The following RBFOX1 variants were observed in gnomAD, a reference collection of about 807,000 sequenced individuals.
RBFOX1 encodes RNA binding fox-1 homolog 1.
A neutral mutation model predicts 57.7 loss-of-function variants in RBFOX1; 8 were observed. The ratio of observed to expected loss-of-function variants is 0.14; its 90% CI spans 0.08 to 0.25. RBFOX1 has a LOEUF of 0.25. Ranked by LOEUF, RBFOX1 falls within the 10% of genes least tolerant of loss-of-function variation. RBFOX1 has a pLI of 1.00. For synonymous variants in RBFOX1, 326 were observed against 222.4 expected, an observed-to-expected ratio of 1.47 and a Z score of -4.15; for missense variants, 611 against 548.5, an observed-to-expected ratio of 1.11 and a Z score of -1.14.
intron 4 of RBFOX1, among the ~76,000 whole-genome samples, chr16:5,881,580 T>A (rs1281930397): frequency 6.6e-6 from 1 of 152,100 alleles, no homozygotes; most frequent in East Asian, 1.9e-4. Context: ...CTTGGGAGGC[T>A]GAGGTGGGAG....
chr16:5,514,396 T>A (rs938808897), intron 2 of RBFOX1, among the ~76,000 whole-genome samples: 2 of 151,920 alleles, frequency 1.3e-5, no homozygotes, highest in African/African-American at 4.8e-5. Context: ...AGTTTGGAGG[T>A]CTTGGCTCAG....
intron 4 of RBFOX1, among the ~76,000 whole-genome samples, chr16:7,415,612 A>G (rs534894260): frequency 5.9e-5 from 9 of 152,270 alleles, no homozygotes; most frequent in Admixed American, 5.9e-4. Context: ...TAATATTATT[A>G]AGAACACAGT....
At chr16:6,387,974 ATTTTTTT>A (rs61603572) in intron 2 of RBFOX1, among the ~76,000 whole-genome samples, 8 of 84,148 alleles carry the variant, frequency 9.5e-5, no homozygotes, top group Admixed American at 1.6e-4. Flanking sequence ...TTTGTGGAAC[ATTTTTTT>A]TTTTTTTTTT....
chr16:7,687,756 A>G (rs1459811292), intron 14 of RBFOX1, among the ~76,000 whole-genome samples: 1 of 152,064 alleles, frequency 6.6e-6, no homozygotes, highest in Non-Finnish European at 1.5e-5. Flanking sequence ...TTAAAATATT[A>G]AGTATAAAAT....
chr16:6,588,059 T>G (rs2097655248), intron 2 of RBFOX1, among the ~76,000 whole-genome samples: 1 of 150,516 alleles, frequency 6.6e-6, no homozygotes, highest in African/African-American at 2.4e-5. Context: ...GTGAAACCGC[T>G]GTCTCTACTA....
intron 3 of RBFOX1, among the ~76,000 whole-genome samples, chr16:6,730,221 A>G (rs1258504665): frequency 3.3e-5 from 5 of 152,130 alleles, no homozygotes; most frequent in Non-Finnish European, 7.4e-5. Flanking sequence ...AGCCTGAGCA[A>G]ATATATATGG....
chr16:6,379,033 G>C (rs1025469835), intron 2 of RBFOX1, among the ~76,000 whole-genome samples: 5 of 152,178 alleles, frequency 3.3e-5, no homozygotes, highest in Admixed American at 2.6e-4. Context: ...AGGAGAATCG[G>C]TGTTGGGATT....
chr16:5,815,550 C>G (rs550712028), intron 3 of RBFOX1, among the ~76,000 whole-genome samples: 38 of 152,158 alleles, frequency 2.5e-4, no homozygotes, highest in Non-Finnish European at 4.1e-4. Flanking sequence ...CTCAGAAAGT[C>G]CATCTCCTTC....
chr16:5,377,225 A>G (rs965670169), intron 1 of RBFOX1, among the ~76,000 whole-genome samples: 1 of 151,530 alleles, frequency 6.6e-6, no homozygotes, highest in Non-Finnish European at 1.5e-5. Context: ...TCCCCCACGC[A>G]CAGCAAGTAT....
chr16:6,978,780 G>A (rs1469804336), intron 3 of RBFOX1, among the ~76,000 whole-genome samples: 3 of 152,202 alleles, frequency 2.0e-5, no homozygotes, highest in African/African-American at 7.2e-5. Flanking sequence ...GCCTGATTCT[G>A]GAGTTCATGC....
At chr16:5,513,665 C>G (rs1567180191) in intron 2 of RBFOX1, among the ~76,000 whole-genome samples, 3 of 152,208 alleles carry the variant, frequency 2.0e-5, no homozygotes, top group Admixed American at 2.0e-4. Flanking sequence ...TTTATTCAAT[C>G]ATTTATTTAC....
rs34849467 is a variant in RBFOX1, at chr16:6,619,687, CTTTTTTT to C, written c.-63-34901_-63-34895del. On this transcript the variant is annotated intron_variant, in intron 2 of 15. Transcript: ENST00000550418. The stretch of plus-strand genomic sequence containing the variant: ...AACTGCTTTCATCTTTGTTGGTTTC[CTTTTTTT>C]TTTTTTTTTTTTTTAATAACTTTCA... 2.4e-3 allele frequency among the ~76,000 whole-genome samples: 283 copies of C among 117,932 alleles called. 1 individual carries two copies. The highest frequency in any genetic ancestry group is 8.5e-3 in the African/African-American group (266 of 31,344). The allele number at this position is 117,932 out of a possible 152,430, so 77.4% of individuals were successfully genotyped here.
intron 2 of RBFOX1, among the ~76,000 whole-genome samples, chr16:6,351,486 G>T (rs920958376): frequency 6.7e-6 from 1 of 149,692 alleles, no homozygotes; most frequent in South Asian, 2.1e-4. Context: ...CGATTCTCTT[G>T]CCTCAGCCTC....
chr16:7,470,344 T>C (rs1169858925), intron 4 of RBFOX1, among the ~76,000 whole-genome samples: 1 of 152,226 alleles, frequency 6.6e-6, no homozygotes, highest in African/African-American at 2.4e-5. Context: ...TCCTGGTTCA[T>C]GTGACATGCT....
intron 3 of RBFOX1, among the ~76,000 whole-genome samples, chr16:7,025,871 A>G (rs2040762728): frequency 6.6e-6 from 1 of 152,088 alleles, no homozygotes; most frequent in Admixed American, 6.5e-5. Flanking sequence ...AGCAACCAGG[A>G]TGAGCTGCTT....
chr16:5,513,162 T>C (rs1454440060), intron 2 of RBFOX1, among the ~76,000 whole-genome samples: 2 of 152,184 alleles, frequency 1.3e-5, no homozygotes, highest in East Asian at 3.8e-4. Context: ...TGATCTGGAC[T>C]CAGCTTCCCA....
chr16:6,092,059 C>T (rs151173686), intron 1 of RBFOX1, among the ~76,000 whole-genome samples: 263 of 152,292 alleles, frequency 1.7e-3, no homozygotes, highest in Non-Finnish European at 3.2e-3. Flanking sequence ...TGAAGACATA[C>T]TTAAGAGTAC....
At chr16:7,454,688 T>G (rs1017191849) in intron 4 of RBFOX1, among the ~76,000 whole-genome samples, 1 of 152,134 alleles carries the variant, frequency 6.6e-6, no homozygotes, top group Non-Finnish European at 1.5e-5. Flanking sequence ...AGGAATATGG[T>G]GGAGGAATGA....
intron 3 of RBFOX1, among the ~76,000 whole-genome samples, chr16:6,738,035 C>T (rs970499267): frequency 1.4e-5 from 2 of 139,418 alleles, no homozygotes; most frequent in Non-Finnish European, 3.1e-5. Context: ...CAACAGAAAA[C>T]AAAAACACAA....
Sources: gnomAD v4.1 joint callset for allele counts (sites outside exome capture counted in the v4.1 genomes callset) on GRCh38, gnomAD v4.1.1 for gene constraint, MANE v1.5 for transcripts, NCBI Gene and HGNC (gene_info 2026-07-23, HGNC 2026-07-21) for gene names.